ADAMTSL1: variants seen among roughly 807,000 people sequenced by gnomAD.
ADAMTSL1 encodes ADAMTS like 1.
ADAMTSL1 carries 126 observed loss-of-function variants against 201.8 expected under a neutral mutation model. That is an observed-to-expected ratio of 0.62 (90% CI 0.54 to 0.72). ADAMTSL1 has a LOEUF of 0.72. Among genes scored for constraint, ADAMTSL1 ranks in the 30% least tolerant of loss-of-function variants. ADAMTSL1 has a pLI of 0.00. For missense variants in ADAMTSL1, 2,679 were observed against 2,277.8 expected (o/e 1.18, Z -3.59); for synonymous variants, 1,121 against 903.4 (o/e 1.24, Z -4.32).
chr9:18,151,134 G>A (rs1826891562), intron 1 of ADAMTSL1, among the ~76,000 whole-genome samples: 1 of 152,010 alleles, frequency 6.6e-6, no homozygotes, highest in Non-Finnish European at 1.5e-5. Context: ...AGATCCAAAT[G>A]TGTTTGAGTT....
At chr9:18,358,193 T>G (rs1836341390) in intron 2 of ADAMTSL1, among the ~76,000 whole-genome samples, 1 of 152,168 alleles carries the variant, frequency 6.6e-6, no homozygotes, top group Non-Finnish European at 1.5e-5. Flanking sequence ...ATTAGGTACA[T>G]AACAGTGCCT....
At chr9:18,581,820 G>T (rs1564066414) in intron 4 of ADAMTSL1, among the ~76,000 whole-genome samples, 1 of 152,166 alleles carries the variant, frequency 6.6e-6, no homozygotes, top group Non-Finnish European at 1.5e-5. Flanking sequence ...AATCCTTGTG[G>T]CTCAGTGCTT....
At chr9:18,159,222 A>AT (rs1391641479) in intron 1 of ADAMTSL1, among the ~76,000 whole-genome samples, 1 of 152,006 alleles carries the variant, frequency 6.6e-6, no homozygotes, top group African/African-American at 2.4e-5. Flanking sequence ...GGCATAACAT[A>AT]TTTTACAGAG....
intron 15 of ADAMTSL1, among the ~76,000 whole-genome samples, chr9:18,750,457 G>A (rs1391062106): frequency 1.3e-5 from 2 of 152,144 alleles, no homozygotes; most frequent in African/African-American, 4.8e-5. Flanking sequence ...TATTGTTGCA[G>A]TTTATTCTCA....
At chr9:18,908,260 G>A in intron 28 of ADAMTSL1, 182 bp from the exon 29 acceptor site, 2 of 626,274 alleles carry the variant, frequency 3.2e-6, no homozygotes, top group South Asian at 1.8e-5. Context: ...GCTGTTGGCA[G>A]CCTTGGGGAG....
At chr9:18,534,024 A>C (rs1228121237) in intron 3 of ADAMTSL1, among the ~76,000 whole-genome samples, 2 of 152,226 alleles carry the variant, frequency 1.3e-5, no homozygotes, top group Non-Finnish European at 2.9e-5. Flanking sequence ...TAGTTTCACC[A>C]GAGTTGAGTA....
At chr9:18,277,676 G>A (rs1051093593) in intron 2 of ADAMTSL1, among the ~76,000 whole-genome samples, 2 of 152,156 alleles carry the variant, frequency 1.3e-5, no homozygotes, top group African/African-American at 4.8e-5. Flanking sequence ...TAAAGCTAAA[G>A]TGAGTCTCTT....
chr9:18,760,690 A>C (rs1043939969), intron 16 of ADAMTSL1, among the ~76,000 whole-genome samples: 4 of 152,174 alleles, frequency 2.6e-5, no homozygotes, highest in African/African-American at 9.7e-5. Flanking sequence ...ATGTGCTCCT[A>C]ATCTAATGTC....
Position 18,759,470 on chromosome 9 carries a change from T to C in ADAMTSL1, c.2217+5962T>C, listed in dbSNP as rs941671297. ...AGTCACATAGTAATCAGTTTTGTTA[T>C]ATTCCAGTGACTAAAATGTAAATCC... On this transcript the variant is annotated intron_variant, in intron 16 of 28. Transcript: ENST00000380548. Among the ~76,000 whole-genome samples the C allele has an allele frequency of 5.3e-5, 8 of 152,220 alleles. No individual in the cohort carries two copies. In the South Asian group the frequency reaches 1.7e-3, roughly 31 times the overall value.
At chr9:18,803,405 G>C (rs190023477) in intron 20 of ADAMTSL1, among the ~76,000 whole-genome samples, 233 of 152,268 alleles carry the variant, frequency 1.5e-3, no homozygotes, top group Non-Finnish European at 2.6e-3. Flanking sequence ...CTGATATTAA[G>C]AGCTCACATG....
chr9:18,834,337 T>C (rs1825180950), intron 23 of ADAMTSL1, among the ~76,000 whole-genome samples: 1 of 152,204 alleles, frequency 6.6e-6, no homozygotes, highest in African/African-American at 2.4e-5. Context: ...TGTTTTTCTA[T>C]TTGTTTGTGT....
chr9:18,890,916 C>T (rs913357986), intron 25 of ADAMTSL1: 3 of 221,126 alleles, frequency 1.4e-5, no homozygotes, highest in African/African-American at 5.4e-5. Context: ...CAGAGTCAAT[C>T]AGCTTAATTT....
chr9:18,258,223 T>C (rs1831769070), intron 2 of ADAMTSL1, among the ~76,000 whole-genome samples: 1 of 152,226 alleles, frequency 6.6e-6, no homozygotes. Context: ...TTGTATGTAT[T>C]TACCAGTAAT....
At chr9:18,357,094 G>C (rs1179237866) in intron 2 of ADAMTSL1, among the ~76,000 whole-genome samples, 1 of 152,114 alleles carries the variant, frequency 6.6e-6, no homozygotes, top group East Asian at 1.9e-4. Context: ...GCCATACTGG[G>C]ACATCTTTTT....
chr9:18,327,309 C>T (rs1563889399), intron 2 of ADAMTSL1, among the ~76,000 whole-genome samples: 1 of 152,188 alleles, frequency 6.6e-6, no homozygotes, highest in Non-Finnish European at 1.5e-5. Flanking sequence ...CTACTCTTGA[C>T]CTAAATGATC....
At chr9:18,576,736 C>G (rs1257468393) in intron 4 of ADAMTSL1, among the ~76,000 whole-genome samples, 1 of 152,146 alleles carries the variant, frequency 6.6e-6, no homozygotes, top group Non-Finnish European at 1.5e-5. Context: ...ATACCTAATT[C>G]TTACTCAGTA....
At chr9:18,254,602 A>G (rs1831606379) in intron 2 of ADAMTSL1, among the ~76,000 whole-genome samples, 3 of 151,270 alleles carry the variant, frequency 2.0e-5, no homozygotes, top group Non-Finnish European at 1.5e-5. Context: ...TGACTTCGTG[A>G]TCCGCCCGCC....
At chr9:18,493,200 A>G (rs1822351509) in intron 1 of ADAMTSL1, among the ~76,000 whole-genome samples, 1 of 152,164 alleles carries the variant, frequency 6.6e-6, no homozygotes, top group African/African-American at 2.4e-5. Context: ...CCCGAGTCCA[A>G]AACTCTGACT....
chr9:18,291,774 C>CACAT (rs777566170), intron 2 of ADAMTSL1, among the ~76,000 whole-genome samples: 4,188 of 143,820 alleles, frequency 0.029, 97 homozygotes, highest in East Asian at 0.11. Flanking sequence ...CACACACACA[C>CACAT]ACACATCCCT....
Sources: gnomAD v4.1 joint callset for allele counts (sites outside exome capture counted in the v4.1 genomes callset) on GRCh38, gnomAD v4.1.1 for gene constraint, MANE v1.5 for transcripts, NCBI Gene and HGNC (gene_info 2026-07-23, HGNC 2026-07-21) for gene names.